The following PDE1C variants were observed in gnomAD, a reference collection of about 807,000 sequenced individuals.
PDE1C encodes dual specificity calcium/calmodulin-dependent 3',5'-cyclic nucleotide phosphodiesterase 1C.
Under a neutral mutation model 93.1 loss-of-function variants are expected in PDE1C, and 62 were observed. That is an observed-to-expected ratio of 0.67 (90% confidence interval 0.54 to 0.82). The LOEUF is 0.82. Ranked by LOEUF, PDE1C falls within the 40% of genes least tolerant of loss-of-function variation. PDE1C has a pLI of 0.00. For synonymous variants in PDE1C, 325 were observed against 310.1 expected, an observed-to-expected ratio of 1.05 and a Z score of -0.50; for missense variants, 742 against 884.6, an observed-to-expected ratio of 0.84 and a Z score of 2.04.
intron 2 of PDE1C, among the ~76,000 whole-genome samples, chr7:31,940,080 G>T (rs1228312821): frequency 6.6e-6 from 1 of 152,190 alleles, no homozygotes; most frequent in Non-Finnish European, 1.5e-5. Context: ...AATCGCAAAT[G>T]CTCAAGCCCC....
intron 1 of PDE1C, among the ~76,000 whole-genome samples, chr7:32,322,295 T>C (rs899019702): frequency 1.3e-5 from 2 of 152,188 alleles, no homozygotes; most frequent in African/African-American, 4.8e-5. Context: ...AAGCTCATAA[T>C]TGAATAAAAG....
At chr7:32,015,358 A>G (rs1787749573) in intron 2 of PDE1C, among the ~76,000 whole-genome samples, 1 of 151,996 alleles carries the variant, frequency 6.6e-6, no homozygotes, top group African/African-American at 2.4e-5. Flanking sequence ...AGGAGACACT[A>G]ATTCTCCACC....
intron 1 of PDE1C, among the ~76,000 whole-genome samples, chr7:32,257,933 A>C (rs541654044): frequency 5.3e-5 from 8 of 152,358 alleles, no homozygotes; most frequent in African/African-American, 1.7e-4. Flanking sequence ...CCTGCAGCCA[A>C]GGAAATGGGC....
At chr7:32,159,961 T>C (rs1175584568) in intron 3 of PDE1C, among the ~76,000 whole-genome samples, 1 of 152,108 alleles carries the variant, frequency 6.6e-6, no homozygotes, top group African/African-American at 2.4e-5. Flanking sequence ...GACTGAGAGA[T>C]AGTCCTGGAG....
intron 1 of PDE1C, among the ~76,000 whole-genome samples, chr7:32,054,390 C>T (rs1047607275): frequency 3.9e-5 from 6 of 152,148 alleles, no homozygotes; most frequent in African/African-American, 1.4e-4. Flanking sequence ...ATGAGATGAT[C>T]TCAAATGAGA....
chr7:32,271,169 G>A (rs1332733878), intron 1 of PDE1C, among the ~76,000 whole-genome samples: 2 of 151,934 alleles, frequency 1.3e-5, no homozygotes, highest in Admixed American at 1.3e-4. Flanking sequence ...AAACAAACAG[G>A]GCTCTGCTGA....
At chr7:32,071,362 T>C (rs988271609), upstream of PDE1C, 11 of 985,392 alleles carry the variant, frequency 1.1e-5, no homozygotes, top group African/African-American at 7.0e-5. Context: ...CGGATCCATT[T>C]TGAAATATTG....
chr7:32,172,795 C>T (rs1326671639), intron 2 of PDE1C, among the ~76,000 whole-genome samples: 1 of 145,006 alleles, frequency 6.9e-6, no homozygotes, highest in African/African-American at 2.5e-5. Context: ...GCACTCCAGC[C>T]TGGGCAACAA....
chr7:31,780,868 T>C (rs1272335029), intron 16 of PDE1C, among the ~76,000 whole-genome samples: 1 of 151,546 alleles, frequency 6.6e-6, no homozygotes, highest in Non-Finnish European at 1.5e-5. Context: ...CTGTCATCTT[T>C]GGGAAATAAA....
intron 2 of PDE1C, among the ~76,000 whole-genome samples, chr7:31,967,306 C>G (rs1040442753): frequency 3.3e-5 from 5 of 152,206 alleles, no homozygotes; most frequent in African/African-American, 1.2e-4. Context: ...GAAATACAAA[C>G]TACTATCAGA....
intron 3 of PDE1C, among the ~76,000 whole-genome samples, chr7:32,141,177 G>A (rs1391531216): frequency 2.6e-5 from 4 of 152,180 alleles, no homozygotes; most frequent in Non-Finnish European, 5.9e-5. Flanking sequence ...TGGACTTAGT[G>A]AACTGGTTTC....
At chr7:32,206,066 T>C (rs144148032) in intron 2 of PDE1C, among the ~76,000 whole-genome samples, 14 of 152,300 alleles carry the variant, frequency 9.2e-5, no homozygotes, top group South Asian at 6.2e-4. Flanking sequence ...AATGTGTTTT[T>C]AGAGGGGTAA....
chr7:32,141,986 C>T (rs1047523703), intron 3 of PDE1C, among the ~76,000 whole-genome samples: 8 of 152,092 alleles, frequency 5.3e-5, no homozygotes, highest in Non-Finnish European at 1.2e-4. Context: ...AATAGCTGGC[C>T]TTTTTTTAGT....
chr7:31,683,469 ATAGAT>A, the PDE1C span, among the ~76,000 whole-genome samples: 9 of 152,078 alleles, frequency 5.9e-5, no homozygotes, highest in South Asian at 4.2e-4. Context: ...AGATTTTCTT[ATAGAT>A]TAAAGAGTTC....
intron 16 of PDE1C, among the ~76,000 whole-genome samples, chr7:31,798,197 C>T (rs908110053): frequency 2.6e-5 from 4 of 151,796 alleles, no homozygotes; most frequent in African/African-American, 9.7e-5. Flanking sequence ...TCACATTGTA[C>T]ATCAGTAAAC....
At chr7:31,964,825 T>C (rs9655333) in intron 2 of PDE1C, among the ~76,000 whole-genome samples, 151,869 of 152,332 alleles carry the variant, frequency 1, 75,707 homozygotes, top group East Asian at 1. Flanking sequence ...GCAGCCACCG[T>C]TGCTGATACC....
In PDE1C at chr7:31,863,160, GATTTA is replaced by G. The variant is rs199512046; in HGVS notation, c.750+1777_750+1781del. Among the ~76,000 whole-genome samples the G allele has an allele frequency of 6.0e-3, 907 of 152,056 alleles. 13 individuals are homozygous for G. The highest frequency in any genetic ancestry group is 0.021 in the African/African-American group (859 of 41,478). Reference sequence around the variant, plus strand: ...TTTAAAGATCATTTTTGTGCCCTTTGATTTAATTTTAGTTTCCTTTTTATTGTTTT... The same window carrying G: ...TTTAAAGATCATTTTTGTGCCCTTTGATTTTAGTTTCCTTTTTATTGTTTT... On this transcript the variant is annotated intron_variant, in intron 7 of 17. Coordinates refer to ENST00000396191, the MANE Select transcript of PDE1C (RefSeq NM_001191057.4).
At chr7:31,800,166 A>C (rs1400671899) in intron 16 of PDE1C, among the ~76,000 whole-genome samples, 1 of 151,558 alleles carries the variant, frequency 6.6e-6, no homozygotes, top group Non-Finnish European at 1.5e-5. Flanking sequence ...AATGAATATC[A>C]GTTATTTAAC....
chr7:32,057,241 G>C (rs1188200288), intron 1 of PDE1C, among the ~76,000 whole-genome samples: 1 of 152,168 alleles, frequency 6.6e-6, no homozygotes, highest in East Asian at 1.9e-4. Context: ...ACTCAATGCG[G>C]AGATCTCATG....
Sources: gnomAD v4.1 joint callset for allele counts (sites outside exome capture counted in the v4.1 genomes callset) on GRCh38, gnomAD v4.1.1 for gene constraint, MANE v1.5 for transcripts, NCBI Gene and HGNC (gene_info 2026-07-23, HGNC 2026-07-21) for gene names.